TSPAN5: variants seen among roughly 807,000 people sequenced by gnomAD.
TSPAN5 encodes tetraspanin 5.
TSPAN5 carries 10 observed loss-of-function variants against 37.1 expected under a neutral mutation model. The ratio of observed to expected loss-of-function variants is 0.27; its 90% CI spans 0.17 to 0.46. TSPAN5 has a LOEUF of 0.46. Among genes scored for constraint, TSPAN5 ranks in the 20% least tolerant of loss-of-function variants. TSPAN5 has a pLI of 1.00. For synonymous variants in TSPAN5, 110 were observed against 118.9 expected, an observed-to-expected ratio of 0.93 and a Z score of 0.48; for missense variants, 195 against 326.6, an observed-to-expected ratio of 0.60 and a Z score of 3.11.
chr4:98,645,727 G>A (rs372227819), intron 1 of TSPAN5, among the ~76,000 whole-genome samples: 54 of 152,306 alleles, frequency 3.5e-4, no homozygotes, highest in South Asian at 6.2e-4. Context: ...AACATGGTTC[G>A]TGTTTACGCA....
intron 1 of TSPAN5, among the ~76,000 whole-genome samples, chr4:98,512,595 G>C (rs990090885): frequency 6.6e-6 from 1 of 152,164 alleles, no homozygotes; most frequent in Non-Finnish European, 1.5e-5. Flanking sequence ...TACCTCTGGA[G>C]GGACACATCT....
intron 5 of TSPAN5, among the ~76,000 whole-genome samples, chr4:98,477,198 G>T (rs886611879): frequency 2.0e-5 from 3 of 152,248 alleles, no homozygotes; most frequent in African/African-American, 7.2e-5. Context: ...TGCGGCACCC[G>T]CTGGCCAGTG....
intron 1 of TSPAN5, among the ~76,000 whole-genome samples, chr4:98,613,897 T>G (rs1756260435): frequency 6.6e-6 from 1 of 152,110 alleles, no homozygotes; most frequent in Non-Finnish European, 1.5e-5. Context: ...CATTTTGACA[T>G]TGCTTTCCAA....
intron 4 of TSPAN5, among the ~76,000 whole-genome samples, chr4:98,479,515 G>C (rs1000763987): frequency 6.6e-6 from 1 of 152,168 alleles, no homozygotes; most frequent in Non-Finnish European, 1.5e-5. Context: ...TCCCAGAAAA[G>C]CAGATGTTCA....
At chr4:98,531,634 C>T (rs1222031619) in intron 1 of TSPAN5, among the ~76,000 whole-genome samples, 2 of 152,156 alleles carry the variant, frequency 1.3e-5, no homozygotes, top group African/African-American at 4.8e-5. Flanking sequence ...CTTGAGGAAT[C>T]GCCACACTGT....
chr4:98,501,767 C>T (rs913538686), intron 2 of TSPAN5, among the ~76,000 whole-genome samples: 1 of 152,034 alleles, frequency 6.6e-6, no homozygotes, highest in African/African-American at 2.4e-5. Flanking sequence ...GCCATGGGCA[C>T]CATATATGGC....
At chr4:98,484,625 A>G (rs949798891) in intron 3 of TSPAN5, 1 of 452,038 alleles carries the variant, frequency 2.2e-6, no homozygotes, top group Admixed American at 2.4e-5. Context: ...ACTATATTAA[A>G]GGGGCCACCA....
At chr4:98,653,220 T>C (rs1757228248) in intron 1 of TSPAN5, among the ~76,000 whole-genome samples, 1 of 152,150 alleles carries the variant, frequency 6.6e-6, no homozygotes, top group South Asian at 2.1e-4. Flanking sequence ...CAATTTATAG[T>C]GAATCATAAG....
In TSPAN5 at chr4:98,562,390, C is replaced by T. The variant is rs147058877; in HGVS notation, c.82-54662G>A. Among the ~76,000 whole-genome samples, 11 of 152,130 alleles carry T rather than the reference C, an allele frequency of 7.2e-5. No homozygotes were observed. The East Asian group carries it at 7.7e-4, about 11-fold the overall frequency. On this transcript the variant is annotated intron_variant, in intron 1 of 7. Coordinates refer to ENST00000305798, the MANE Select transcript of TSPAN5 (RefSeq NM_005723.4). ...TAGAAAGAAAATCACAGGCCGGGTG[C>T]GGTGGCTCACACCTGTAATCCCAGC...
intron 2 of TSPAN5, among the ~76,000 whole-genome samples, chr4:98,499,275 G>T (rs1753287725): frequency 6.6e-6 from 1 of 152,258 alleles, no homozygotes; most frequent in Admixed American, 6.5e-5. Context: ...GGGCCAGAAG[G>T]AGGATGCAGA....
intron 1 of TSPAN5, among the ~76,000 whole-genome samples, chr4:98,601,342 G>A (rs1755877137): frequency 6.6e-6 from 1 of 152,198 alleles, no homozygotes; most frequent in Non-Finnish European, 1.5e-5. Flanking sequence ...TCCAATAGCA[G>A]GCTGTTTCAT....
In TSPAN5 at chr4:98,487,252, A is replaced by G. The variant is rs912760890; in HGVS notation, c.133-368T>C. ...CTATATGTAGAGAAAAAAAAAAAAAAAAGAAAAGAAGAGCCCAAGAAACTG... is the reference window on the plus strand; with the variant it reads ...CTATATGTAGAGAAAAAAAAAAAAAGAAGAAAAGAAGAGCCCAAGAAACTG... On this transcript the variant is annotated intron_variant, in intron 2 of 7. Transcript: ENST00000305798. Among the ~76,000 whole-genome samples the G allele has an allele frequency of 1.7e-4, 26 of 151,672 alleles. 1 individual carries two copies. The highest frequency in any genetic ancestry group is 6.3e-4 in the African/African-American group (26 of 41,318).
chr4:98,605,796 T>C (rs1356018312), intron 1 of TSPAN5, among the ~76,000 whole-genome samples: 3 of 152,194 alleles, frequency 2.0e-5, no homozygotes, highest in Non-Finnish European at 4.4e-5. Context: ...GTGTTTTTGA[T>C]ACTATATCTT....
chr4:98,584,497 C>T (rs1022070330), intron 1 of TSPAN5, among the ~76,000 whole-genome samples: 1 of 152,116 alleles, frequency 6.6e-6, no homozygotes, highest in African/African-American at 2.4e-5. Flanking sequence ...CTTGAGTCAG[C>T]AGGTAAGAAA....
chr4:98,488,900 TTAAAA>T (rs1753029237), intron 2 of TSPAN5, among the ~76,000 whole-genome samples: 2 of 152,008 alleles, frequency 1.3e-5, no homozygotes, highest in South Asian at 2.1e-4. Flanking sequence ...AAAAATAAAC[TTAAAA>T]TAAAAAATCC....
At chr4:98,634,675 A>C (rs1756816643) in intron 1 of TSPAN5, among the ~76,000 whole-genome samples, 1 of 152,192 alleles carries the variant, frequency 6.6e-6, no homozygotes, top group Non-Finnish European at 1.5e-5. Flanking sequence ...CAGCTCACTG[A>C]AAAAAGGGTT....
intron 1 of TSPAN5, among the ~76,000 whole-genome samples, chr4:98,545,853 A>G (rs1050704576): frequency 2.6e-5 from 4 of 152,154 alleles, no homozygotes; most frequent in African/African-American, 9.7e-5. Context: ...AATAGGCTCA[A>G]CATAAGTTAT....
At chr4:98,619,973 G>A (rs1381630438) in intron 1 of TSPAN5, among the ~76,000 whole-genome samples, 1 of 152,086 alleles carries the variant, frequency 6.6e-6, no homozygotes, top group African/African-American at 2.4e-5. Context: ...TTATTGCATT[G>A]AGTACTAGGT....
chr4:98,571,617 G>C (rs1487671459), intron 1 of TSPAN5, among the ~76,000 whole-genome samples: 1 of 152,098 alleles, frequency 6.6e-6, no homozygotes, highest in Non-Finnish European at 1.5e-5. Flanking sequence ...ATCAGAAAGG[G>C]GGCACTTGTG....
Sources: allele counts gnomAD v4.1 joint callset (sites outside exome capture counted in the v4.1 genomes callset), GRCh38; gene constraint gnomAD v4.1.1; transcripts MANE v1.5; gene names NCBI Gene and HGNC (gene_info 2026-07-23, HGNC 2026-07-21).